The following IL1A variants were observed in gnomAD, a reference collection of about 807,000 sequenced individuals.
IL1A encodes interleukin 1 alpha.
A neutral mutation model predicts 22.2 loss-of-function variants in IL1A; 16 were observed. That is an observed-to-expected ratio of 0.72 (90% CI 0.49 to 1.09). IL1A has a LOEUF of 1.09. Ranked by LOEUF, IL1A falls within the 50% of genes least tolerant of loss-of-function variation. The pLI, the probability that IL1A is intolerant of heterozygous loss-of-function variation, is 0.00. For synonymous variants in IL1A, 113 were observed against 118.5 expected (o/e 0.95, Z 0.30); for missense variants, 317 against 321.8 (o/e 0.99, Z 0.11).
At chr2:112,780,946 G>A (rs1171864233) in intron 4 of IL1A, among the ~76,000 whole-genome samples, 1 of 151,968 alleles carries the variant, frequency 6.6e-6, no homozygotes, top group Non-Finnish European at 1.5e-5. Flanking sequence ...CATGAACCCA[G>A]GAGGCAGAGC....
At chr2:112,778,199 TG>T in intron 5 of IL1A, 88 bp from the exon 6 acceptor site, 2 of 662,720 alleles carry the variant, frequency 3.0e-6, no homozygotes, top group Non-Finnish European at 2.4e-6. Flanking sequence ...GCATGGTGTG[TG>T]TGTGTGTGTG....
rs1196584233 is a variant in IL1A at position 112,779,700 on chromosome 2, T to C, written c.320-34A>G. 3 of 1,541,034 alleles carry C rather than the reference T, an allele frequency of 1.9e-6. No homozygotes were observed. In the African/African-American group the frequency reaches 4.1e-5, roughly 21 times the overall value. ...ATGATCACAAGTGCAGATTAATGTC[T>C]ATGTACAAACACAGATGATATACAC... On this transcript the variant is annotated intron_variant, in intron 4 of 6. Transcript: ENST00000263339.
In IL1A at chr2:112,782,703, G is replaced by C. The variant is rs1316955232; in HGVS notation, c.96+13C>G. 1 of 1,582,484 alleles carries C rather than the reference G, an allele frequency of 6.3e-7. No individual in the cohort carries two copies. The highest frequency in any genetic ancestry group is 1.1e-5 in the South Asian group (1 of 90,200). On this transcript the variant is annotated intron_variant, in intron 3 of 6. Transcript: ENST00000263339. ...GAATAGCAGTCCCATGAGAATTACA[G>C]TCATTTGCTTACCTGATTCAGAGAC...
In IL1A at chr2:112,775,254, A is replaced by G; in HGVS notation, c.629T>C (p.Ile210Thr). The change falls in exon 7 of 7, where the codon ATA becomes ACA. Residue 210 changes from isoleucine to threonine, a missense_variant. Coordinates refer to ENST00000263339, the MANE Select transcript of IL1A (RefSeq NM_000575.5). ...QPVLLKEMPE[I>T]PKTITGSETN... ...CTCACTACCTGTGATGGTTTTGGGTATCTCAGGCATCTCCTATGAAGAAAA... is the reference window on the plus strand; with the variant it reads ...CTCACTACCTGTGATGGTTTTGGGTGTCTCAGGCATCTCCTATGAAGAAAA... 6.2e-7 allele frequency: 1 copy of G among 1,613,414 alleles called. No individual in the cohort carries two copies. Among genetic ancestry groups the G allele is most frequent in the Non-Finnish European group, 8.5e-7 (1 of 1,179,296 alleles).
In IL1A at chr2:112,775,005, T is replaced by C. The variant is rs1681076000; in HGVS notation, c.*62A>G. 2 of 1,308,794 alleles carry C rather than the reference T, an allele frequency of 1.5e-6. No homozygotes were observed. Among genetic ancestry groups the C allele is most frequent in the Admixed American group, 1.7e-5 (1 of 57,956 alleles). The allele number at this position is 1,308,794 out of a possible 1,614,324, so 81.1% of individuals were successfully genotyped here. ...ACTAACAGTAAAGGATTTAGCTTCT[T>C]CATGTACATGGTACATATGAACTGT... On this transcript the variant is annotated 3_prime_UTR_variant, in exon 7 of 7. Transcript: ENST00000263339.
At position 112,783,748 on chromosome 2, in the gene IL1A, A is replaced by G; in HGVS notation, c.23T>C (p.Phe8Ser). ...CCTGTAACAGTTCTTCAGGTCTTCA[A>G]ACATGTCTGGAACTTTGGCCATCTT... MAKVPDM[F>S]EDLKNCYSEN... The change falls in exon 2 of 7, where the codon TTT becomes TCT. Residue 8 changes from phenylalanine to serine, a missense_variant. By Grantham distance (155) the Phe-to-Ser change is radical (BLOSUM62 -2). Coordinates refer to ENST00000263339, the MANE Select transcript of IL1A (RefSeq NM_000575.5). 1 of 1,614,060 alleles carries G rather than the reference A, an allele frequency of 6.2e-7. No individual in the cohort carries two copies. The highest frequency in any genetic ancestry group is 8.5e-7 in the Non-Finnish European group (1 of 1,179,904).
intron 5 of IL1A, among the ~76,000 whole-genome samples, chr2:112,779,269 T>G (rs1378754480): frequency 6.6e-6 from 1 of 152,192 alleles, no homozygotes. Flanking sequence ...CCCTTTACTC[T>G]CAAAGATAGG....
In IL1A at chr2:112,779,608, A is replaced by G. The variant is rs1370941773; in HGVS notation, c.378T>C (p.Phe126=). The part of the protein sequence containing the change: ...FSFLSNVKYN[F]MRIIKYEFIL... ...TGAATTCGTATTTGATGATCCTCATAAAGTTGTATTTCACATTGCTCAGGA... is the reference window on the plus strand; with the variant it reads ...TGAATTCGTATTTGATGATCCTCATGAAGTTGTATTTCACATTGCTCAGGA... The change falls in exon 5 of 7, where the codon TTT becomes TTC. Residue 126 remains phenylalanine (F), a synonymous_variant. Coordinates refer to ENST00000263339, the MANE Select transcript of IL1A (RefSeq NM_000575.5). 1.9e-6 allele frequency: 3 copies of G among 1,612,990 alleles called. No individual in the cohort carries two copies. Among genetic ancestry groups the G allele is most frequent in the East Asian group, 2.2e-5 (1 of 44,862 alleles).
Position 112,774,219 on chromosome 2 carries a change from C to T in IL1A, c.*848G>A, listed in dbSNP as rs1681056689. The T allele has an allele frequency of 6.6e-6, 1 of 152,006 alleles. No homozygotes were observed. Among genetic ancestry groups the T allele is most frequent in the African/African-American group, 2.4e-5 (1 of 41,386 alleles). 9.4% of individuals were successfully genotyped at this position (152,006 alleles called of 1,614,324 possible). A position where few individuals can be genotyped will look rare whatever the true frequency, so the allele number is the denominator to read the frequency against. On this transcript the variant is annotated 3_prime_UTR_variant, in exon 7 of 7. Coordinates refer to ENST00000263339, the MANE Select transcript of IL1A (RefSeq NM_000575.5). ...TTACTGGCTCAAGGTAATTAATGTA[C>T]ATTTATTATATGATTACAGGTCTCC... is the stretch of plus-strand genomic sequence containing the variant.
Position 112,781,753 on chromosome 2 carries a change from G to C in IL1A, c.170C>G (p.Ser57Cys), listed in dbSNP as rs1448452471. 3 of 1,614,022 alleles carry C rather than the reference G, an allele frequency of 1.9e-6. No homozygotes were observed. The highest frequency in any genetic ancestry group is 2.5e-6 in the Non-Finnish European group (3 of 1,180,002). ...CMDQSVSLSI[S>C]ETSKTSKLTF... ...AAGCTTGGATGTTTTAGAGGTTTCA[G>C]AGATACTCAGAGACACAGATTGATC... The change falls in exon 4 of 7, where the codon TCT (serine) becomes TGT (cysteine). Residue 57 changes from serine to cysteine, a missense_variant. Ser to Cys is a moderately radical substitution (Grantham distance 112). Coordinates refer to ENST00000263339, the MANE Select transcript of IL1A (RefSeq NM_000575.5).
chr2:112,781,034 A>T (rs555732451), intron 4 of IL1A, among the ~76,000 whole-genome samples: 67 of 152,096 alleles, frequency 4.4e-4, no homozygotes, highest in African/African-American at 1.3e-3. Flanking sequence ...AAATAAAATA[A>T]AATAATAATA....
chr2:112,775,330 A>G (rs1681082723), intron 6 of IL1A, 63 bp from the exon 7 acceptor site: 2 of 1,321,788 alleles, frequency 1.5e-6, no homozygotes, highest in Non-Finnish European at 2.2e-6. Flanking sequence ...CTGAAGCTCA[A>G]TCCCTTAGCA....
At chr2:112,776,139 G>A (rs1681098089) in intron 6 of IL1A, among the ~76,000 whole-genome samples, 1 of 151,910 alleles carries the variant, frequency 6.6e-6, no homozygotes. Flanking sequence ...CATGACTGCT[G>A]TGAAACCTCC....
At chr2:112,778,417 A>C (rs974110975) in intron 5 of IL1A, among the ~76,000 whole-genome samples, 1 of 152,204 alleles carries the variant, frequency 6.6e-6, no homozygotes, top group Non-Finnish European at 1.5e-5. Flanking sequence ...TTATAATTTC[A>C]TTAGTGGGAT....
intron 2 of IL1A, 138 bp downstream of exon 2, chr2:112,783,586 T>C: frequency 3.0e-6 from 2 of 667,384 alleles, no homozygotes; most frequent in Non-Finnish European, 5.4e-6. Flanking sequence ...TCTCTGAACC[T>C]GCTCTGACTT....
chr2:112,776,975 G>A (rs1681107442), intron 6 of IL1A, among the ~76,000 whole-genome samples: 1 of 146,688 alleles, frequency 6.8e-6, no homozygotes, highest in African/African-American at 2.5e-5. Context: ...TCCTCTGAAT[G>A]TCCTACCCAA....
intron 4 of IL1A, among the ~76,000 whole-genome samples, chr2:112,781,119 G>T (rs1296200037): frequency 6.6e-6 from 1 of 152,138 alleles, no homozygotes; most frequent in Non-Finnish European, 1.5e-5. Context: ...GAAGTTAGGG[G>T]ATGTTGACTC....
chr2:112,781,748 T>C lies in IL1A; in HGVS notation c.175A>G (p.Thr59Ala). 1 of 1,614,084 alleles carries C rather than the reference T, an allele frequency of 6.2e-7. No individual in the cohort carries two copies. Among genetic ancestry groups the C allele is most frequent in the South Asian group, 1.1e-5 (1 of 91,084 alleles). Residue 59 changes from threonine to alanine, a missense_variant, in exon 4 of 7, where the codon ACC (threonine) becomes GCC (alanine). Thr to Ala is a moderately conservative substitution (Grantham distance 58, BLOSUM62 0). Transcript: ENST00000263339. ...AAGGTAAGCTTGGATGTTTTAGAGG[T>C]TTCAGAGATACTCAGAGACACAGAT... ...DQSVSLSISE[T>A]SKTSKLTFKE...
At chr2:112,777,923 T>C in intron 6 of IL1A, 64 bp downstream of exon 6, 6 of 1,562,716 alleles carry the variant, frequency 3.8e-6, no homozygotes, top group Middle Eastern at 1.7e-4. Context: ...TGTCTGCCTA[T>C]TGGGCTTATT....
Sources: gnomAD v4.1 joint callset for allele counts (sites outside exome capture counted in the v4.1 genomes callset) on GRCh38, gnomAD v4.1.1 for gene constraint, MANE v1.5 for transcripts, NCBI Gene and HGNC (gene_info 2026-07-23, HGNC 2026-07-21) for gene names.